CLSTN2: variants seen among roughly 807,000 people sequenced by gnomAD.
CLSTN2 encodes the protein calsyntenin-2.
A neutral mutation model predicts 101.2 loss-of-function variants in CLSTN2; 48 were observed. The ratio of observed to expected loss-of-function variants is 0.47; its 90% CI spans 0.38 to 0.60. The LOEUF (loss-of-function observed/expected upper bound fraction) is 0.60. CLSTN2 is among the 20% of genes least tolerant of loss of function. The pLI is 0.00. For missense variants in CLSTN2, 1,160 were observed against 1,238.2 expected (o/e 0.94, Z 0.95); for synonymous variants, 481 against 463.6 (o/e 1.04, Z -0.48).
intron 2 of CLSTN2, among the ~76,000 whole-genome samples, chr3:140,254,091 G>A (rs552699140): frequency 7.0e-4 from 107 of 152,302 alleles, no homozygotes; most frequent in African/African-American, 2.4e-3. Flanking sequence ...ACATAGGAAG[G>A]AGAGACTCTT....
intron 1 of CLSTN2, among the ~76,000 whole-genome samples, chr3:140,060,467 A>C (rs1039907820): frequency 3.9e-5 from 6 of 152,178 alleles, no homozygotes; most frequent in Non-Finnish European, 7.3e-5. Context: ...GGTGGGCTTG[A>C]CTTTCCCAGG....
At chr3:139,996,004 A>G (rs1043394437) in intron 1 of CLSTN2, among the ~76,000 whole-genome samples, 4 of 152,238 alleles carry the variant, frequency 2.6e-5, no homozygotes, top group African/African-American at 7.2e-5. Context: ...ACTAAGCATC[A>G]TATATTACTA....
Position 140,431,150 on chromosome 3 carries a change from G to A in CLSTN2, c.787+9876G>A, listed in dbSNP as rs564713313. On this transcript the variant is annotated intron_variant, in intron 5 of 16. Coordinates refer to ENST00000458420, the MANE Select transcript of CLSTN2 (RefSeq NM_022131.3). ...AGTTCAATGGGACAATGTCTACATA[G>A]CACCTAAGAGGTGCCACAACTTTCA... Among the ~76,000 whole-genome samples the A allele has an allele frequency of 1.8e-4, 28 of 152,306 alleles. No individual in the cohort carries two copies. In the South Asian group the frequency reaches 5.4e-3, roughly 29 times the overall value.
In CLSTN2 at chr3:140,419,621, G is replaced by A. The variant is rs546773846; in HGVS notation, c.638-1504G>A. On this transcript the variant is annotated intron_variant, in intron 4 of 16. Coordinates refer to ENST00000458420, the MANE Select transcript of CLSTN2 (RefSeq NM_022131.3). Reference sequence around the variant, plus strand: ...TGTATATATACATATATACGTGTACGTATATATGTATATATACATATATAT... The same window carrying A: ...TGTATATATACATATATACGTGTACATATATATGTATATATACATATATAT... 1.4e-3 allele frequency among the ~76,000 whole-genome samples: 76 copies of A among 53,868 alleles called. 27 individuals carry two copies. The highest frequency in any genetic ancestry group is 1.7e-3 in the Non-Finnish European group (61 of 34,926). The allele number at this position is 53,868 out of a possible 152,430, so 35.3% of individuals were successfully genotyped here.
At chr3:140,480,050 C>A (rs932927199) in intron 8 of CLSTN2, among the ~76,000 whole-genome samples, 2 of 152,068 alleles carry the variant, frequency 1.3e-5, no homozygotes, top group African/African-American at 4.8e-5. Context: ...GTGCTGCACC[C>A]GTTAACTCGT....
At chr3:140,224,076 G>T (rs72988166) in intron 2 of CLSTN2, among the ~76,000 whole-genome samples, 2 of 152,104 alleles carry the variant, frequency 1.3e-5, no homozygotes, top group Non-Finnish European at 2.9e-5. Flanking sequence ...ACAGTATAGT[G>T]AGTGGTCCCC....
intron 2 of CLSTN2, among the ~76,000 whole-genome samples, chr3:140,221,304 G>T (rs115729669): frequency 6.6e-6 from 1 of 152,076 alleles, no homozygotes; most frequent in Non-Finnish European, 1.5e-5. Flanking sequence ...TAATGTGAAC[G>T]TGTCTATGTT....
chr3:140,551,554 C>G (rs1935699864), intron 10 of CLSTN2, among the ~76,000 whole-genome samples: 1 of 152,010 alleles, frequency 6.6e-6, no homozygotes, highest in South Asian at 2.1e-4. Flanking sequence ...CTAGACACTC[C>G]TAGGTTCAAA....
chr3:140,379,944 T>C (rs989079113), intron 2 of CLSTN2, among the ~76,000 whole-genome samples: 1 of 152,162 alleles, frequency 6.6e-6, no homozygotes, highest in African/African-American at 2.4e-5. Context: ...TTACCATTCC[T>C]TTTTTGCCTT....
At chr3:140,470,542 G>A (rs745974701) in intron 8 of CLSTN2, among the ~76,000 whole-genome samples, 3 of 152,210 alleles carry the variant, frequency 2.0e-5, no homozygotes, top group East Asian at 1.9e-4. Context: ...GGCATGGGGC[G>A]GAAGGAGAAA....
chr3:140,219,085 G>C (rs1291792201), intron 2 of CLSTN2, among the ~76,000 whole-genome samples: 1 of 152,026 alleles, frequency 6.6e-6, no homozygotes, highest in Admixed American at 6.5e-5. Flanking sequence ...CCATTTGGGA[G>C]CATTCCTGCA....
chr3:140,458,744 G>A (rs1041756189), intron 6 of CLSTN2, among the ~76,000 whole-genome samples: 1 of 152,126 alleles, frequency 6.6e-6, no homozygotes, highest in Non-Finnish European at 1.5e-5. Flanking sequence ...GTGAACCTTC[G>A]CCATGCAGCG....
chr3:140,487,520 G>A (rs899515071), intron 8 of CLSTN2, among the ~76,000 whole-genome samples: 3 of 152,228 alleles, frequency 2.0e-5, no homozygotes, highest in Non-Finnish European at 4.4e-5. Context: ...TGATTCCAGT[G>A]TCCAAAGTAG....
At chr3:140,520,883 G>A (rs1935009376) in intron 8 of CLSTN2, among the ~76,000 whole-genome samples, 1 of 152,008 alleles carries the variant, frequency 6.6e-6, no homozygotes, top group South Asian at 2.1e-4. Context: ...TTGTCTGCCT[G>A]TCTTATTTCA....
chr3:140,075,324 A>G (rs1465729197), intron 1 of CLSTN2, among the ~76,000 whole-genome samples: 1 of 152,010 alleles, frequency 6.6e-6, no homozygotes, highest in Admixed American at 6.6e-5. Context: ...ATTTTCCTCC[A>G]CTGCTTCAGC....
chr3:140,107,837 A>T (rs937805180), intron 1 of CLSTN2, among the ~76,000 whole-genome samples: 34 of 152,290 alleles, frequency 2.2e-4, no homozygotes, highest in Admixed American at 9.2e-4. Flanking sequence ...TGTCCTCCTC[A>T]ATCTTTTAAT....
chr3:140,060,778 C>T (rs536507534), intron 1 of CLSTN2, among the ~76,000 whole-genome samples: 5 of 152,294 alleles, frequency 3.3e-5, no homozygotes, highest in African/African-American at 1.2e-4. Context: ...AACACAGGGA[C>T]CCTTTTGTGC....
At chr3:140,010,076 A>G (rs1262344918) in intron 1 of CLSTN2, among the ~76,000 whole-genome samples, 9 of 152,164 alleles carry the variant, frequency 5.9e-5, no homozygotes, top group Admixed American at 2.0e-4. Flanking sequence ...TGTTCTATTA[A>G]GATTACTGAA....
chr3:140,131,041 T>A (rs2009514953), intron 1 of CLSTN2, among the ~76,000 whole-genome samples: 1 of 152,132 alleles, frequency 6.6e-6, no homozygotes, highest in Non-Finnish European at 1.5e-5. Context: ...GTTTAAAGAT[T>A]GAAGATGATC....
Sources: allele counts gnomAD v4.1 joint callset (sites outside exome capture counted in the v4.1 genomes callset), GRCh38; gene constraint gnomAD v4.1.1; transcripts MANE v1.5; gene names NCBI Gene and HGNC (gene_info 2026-07-23, HGNC 2026-07-21).